The following PCDHGA6 variants were observed in gnomAD, a reference collection of about 807,000 sequenced individuals.
The protein encoded by PCDHGA6 is protocadherin gamma-A6.
Under a neutral mutation model 60.6 loss-of-function variants are expected in PCDHGA6, and 41 were observed. That is an observed-to-expected ratio of 0.68 (90% confidence interval 0.53 to 0.88). PCDHGA6 has a LOEUF of 0.88. Ranked by LOEUF, PCDHGA6 falls within the 40% of genes least tolerant of loss-of-function variation. The pLI, the probability that PCDHGA6 is intolerant of heterozygous loss-of-function variation, is 0.00. For synonymous variants in PCDHGA6, 594 were observed against 524.4 expected, an observed-to-expected ratio of 1.13 and a Z score of -1.81; for missense variants, 1,312 against 1,203.0, an observed-to-expected ratio of 1.09 and a Z score of -1.34.
intron 1 of PCDHGA6, among the ~76,000 whole-genome samples, chr5:141,454,032 C>T (rs2098780173): frequency 6.6e-6 from 1 of 152,126 alleles, no homozygotes; most frequent in Non-Finnish European, 1.5e-5. Flanking sequence ...AAGAATTGGC[C>T]AGCAAAGATA....
rs568314069 is a variant in PCDHGA6 at position 141,486,371 on chromosome 5, G to C, written c.2425-8436G>C. 53 of 1,614,138 alleles carry C rather than the reference G, an allele frequency of 3.3e-5. 2 individuals are homozygous for C. The South Asian group carries it at 5.3e-4, about 16-fold the overall frequency. Reference sequence around the variant, plus strand: ...CCACTTGCCATTTGCCCTCAAGTCTGCCTTCAGGAACCAGTTCTCCCTGGT... The same window carrying C: ...CCACTTGCCATTTGCCCTCAAGTCTCCCTTCAGGAACCAGTTCTCCCTGGT... On this transcript the variant is annotated intron_variant, in intron 1 of 3. Transcript: ENST00000517434. The surrounding 1 kb of genome is among the most constrained non-coding windows in gnomAD (Gnocchi z 5.0).
chr5:141,427,377 A>C, intron 1 of PCDHGA6: 1 of 458,500 alleles, frequency 2.2e-6, no homozygotes, highest in Non-Finnish European at 4.4e-6. Flanking sequence ...GACGGTGATC[A>C]CTCTGTTCAA....
chr5:141,395,038 G>A lies in PCDHGA6; in HGVS notation c.2424+18531G>A, dbSNP rs762482437. On this transcript the variant is annotated intron_variant, in intron 1 of 3. Transcript: ENST00000517434. Reference sequence around the variant, plus strand: ...GGCGTGCCTGCCTCACATTTTGTGGGTGTTGAGGAGGTACAGGCTTTCCTG... The same window carrying A: ...GGCGTGCCTGCCTCACATTTTGTGGATGTTGAGGAGGTACAGGCTTTCCTG... 5.3e-5 allele frequency: 85 copies of A among 1,614,150 alleles called. 1 individual carries two copies. Among genetic ancestry groups the A allele is most frequent in the Non-Finnish European group, 7.1e-5 (84 of 1,180,034 alleles).
intron 1 of PCDHGA6, among the ~76,000 whole-genome samples, chr5:141,381,060 A>G (rs1776965046): frequency 6.6e-6 from 1 of 152,246 alleles, no homozygotes; most frequent in South Asian, 2.1e-4. Flanking sequence ...GTGAATGCAA[A>G]GATAACTATG....
At position 141,464,036 on chromosome 5, in the gene PCDHGA6, G is replaced by A. The variant is rs907276618; in HGVS notation, c.2425-30771G>A. On this transcript the variant is annotated intron_variant, in intron 1 of 3. Coordinates refer to ENST00000517434, the MANE Select transcript of PCDHGA6 (RefSeq NM_018919.3). ...ATCCCACACTTTGGGAGGCCAAGGC[G>A]GGTGGATCACCTGAGGTCAGGAGTT... Among the ~76,000 whole-genome samples the A allele has an allele frequency of 2.6e-5, 4 of 152,096 alleles. No individual in the cohort carries two copies. The East Asian group carries it at 5.8e-4, about 22-fold the overall frequency.
chr5:141,399,753 G>A (rs1418820057), intron 1 of PCDHGA6: 6 of 1,613,252 alleles, frequency 3.7e-6, no homozygotes, highest in Middle Eastern at 1.7e-4. Flanking sequence ...GCGCAAACGT[G>A]AGCCTGCGCG....
intron 1 of PCDHGA6, among the ~76,000 whole-genome samples, chr5:141,492,762 T>C (rs917580804): frequency 2.6e-5 from 4 of 152,206 alleles, no homozygotes; most frequent in African/African-American, 9.6e-5. Flanking sequence ...GGGCTCCGCG[T>C]TGGGCGAGTG....
rs762662380 is a variant in PCDHGA6, at chr5:141,419,561, G to A, written c.2424+43054G>A. 9 of 1,611,728 alleles carry A rather than the reference G, an allele frequency of 5.6e-6. No individual in the cohort carries two copies. The Admixed American group carries it at 1.2e-4, about 21-fold the overall frequency. The stretch of plus-strand genomic sequence containing the variant: ...ACCGCGGGTGCTGTACCCTGCGCTG[G>A]GTCCCGACGGCTCCGCGCTCTTCGA... On this transcript the variant is annotated intron_variant, in intron 1 of 3. Coordinates refer to ENST00000517434, the MANE Select transcript of PCDHGA6 (RefSeq NM_018919.3).
rs1270447529 is a variant in PCDHGA6 at position 141,490,526 on chromosome 5, C to A, written c.2425-4281C>A. 3 of 1,614,116 alleles carry A rather than the reference C, an allele frequency of 1.9e-6. No homozygotes were observed. Among genetic ancestry groups the A allele is most frequent in the Non-Finnish European group, 2.5e-6 (3 of 1,180,008 alleles). On this transcript the variant is annotated intron_variant, in intron 1 of 3. Transcript: ENST00000517434. This position sits in a 1 kb window ranked among gnomAD's most constrained non-coding sequence, Gnocchi z 5.4. ...ATCATCGAGCTGCTGGCCAGCGATG[C>A]TGGTTCACCTTCCCTACACAAACAT...
Position 141,374,705 on chromosome 5 carries a change from T to A in PCDHGA6, c.622T>A (p.Tyr208Asn), listed in dbSNP as rs188037010. Residue 208 changes from tyrosine (Y) to asparagine (N), a missense_variant, in exon 1 of 4, where the codon TAC becomes AAC. By Grantham distance (143) the Tyr-to-Asn change is moderately radical. Coordinates refer to ENST00000517434, the MANE Select transcript of PCDHGA6 (RefSeq NM_018919.3). Reference protein sequence around the residue: ...GTLDREGEAVYRLVLTAMDGG... With the variant: ...GTLDREGEAVNRLVLTAMDGG... ...ACTGGACCGGGAAGGAGAAGCCGTTTACCGCCTGGTCCTTACTGCCATGGA... is the reference window on the plus strand; with the variant it reads ...ACTGGACCGGGAAGGAGAAGCCGTTAACCGCCTGGTCCTTACTGCCATGGA... 8 of 1,609,374 alleles carry A rather than the reference T, an allele frequency of 5.0e-6. No homozygotes were observed. In the African/African-American group the frequency reaches 8.0e-5, roughly 16 times the overall value.
At position 141,485,009 on chromosome 5, in the gene PCDHGA6, C is replaced by T. The variant is rs531346426; in HGVS notation, c.2425-9798C>T. The T allele has an allele frequency of 6.4e-5, 40 of 628,334 alleles. No homozygotes were observed. Among genetic ancestry groups the T allele is most frequent in the Admixed American group, 5.3e-4 (18 of 33,986 alleles). The allele number at this position is 628,334 out of a possible 1,614,324, so 38.9% of individuals were successfully genotyped here. On this transcript the variant is annotated intron_variant, in intron 1 of 3. Transcript: ENST00000517434. The surrounding 1 kb of genome is among the most constrained non-coding windows in gnomAD (Gnocchi z 5.7). Reference sequence around the variant, plus strand: ...GGTGGTGAAAGGCAGACAAATCTACCCCGCCACCAGCAAAAACGGCGCGTA... The same window carrying T: ...GGTGGTGAAAGGCAGACAAATCTACTCCGCCACCAGCAAAAACGGCGCGTA...
intron 1 of PCDHGA6, among the ~76,000 whole-genome samples, chr5:141,386,359 C>A (rs566341507): frequency 6.6e-6 from 1 of 152,014 alleles, no homozygotes; most frequent in African/African-American, 2.4e-5. Flanking sequence ...AATCTTGATT[C>A]CAGAGACCTT....
At chr5:141,494,514 G>T (rs1457018569) in intron 1 of PCDHGA6, among the ~76,000 whole-genome samples, 2 of 152,160 alleles carry the variant, frequency 1.3e-5, no homozygotes, top group South Asian at 2.1e-4. Context: ...TTTTGGCTCA[G>T]GAGTTCTGAC....
Position 141,432,201 on chromosome 5 carries a change from G to T in PCDHGA6, c.2424+55694G>T, listed in dbSNP as rs761075658. On this transcript the variant is annotated intron_variant, in intron 1 of 3. Transcript: ENST00000517434. This position sits in a 1 kb window ranked among gnomAD's most constrained non-coding sequence, Gnocchi z 6.0. ...TCTGTGACCGCCCACGACCCCGACT[G>T]TGAAGAGAACGCCCAGATCACTTAT... 1.8e-5 allele frequency: 29 copies of T among 1,614,092 alleles called. No homozygotes were observed. The South Asian group carries it at 2.9e-4, about 16-fold the overall frequency.
At chr5:141,471,802 A>G (rs2154571076) in intron 1 of PCDHGA6, among the ~76,000 whole-genome samples, 1 of 152,362 alleles carries the variant, frequency 6.6e-6, no homozygotes, top group African/African-American at 2.4e-5. Context: ...TATAAAAGAC[A>G]TATAAAAGAC....
At chr5:141,423,471 G>A in intron 1 of PCDHGA6, 1 of 1,614,052 alleles carries the variant, frequency 6.2e-7, no homozygotes, top group South Asian at 1.1e-5. Context: ...ACGGGGTACA[G>A]GCTTTCCTGC....
Position 141,431,248 on chromosome 5 carries a change from G to A in PCDHGA6, c.2424+54741G>A. ...CCCACGCCTGGGATCCGGATATCGGGAAGAACTCTCTGCAGAGCTACGAGC... is the reference window on the plus strand; with the variant it reads ...CCCACGCCTGGGATCCGGATATCGGAAAGAACTCTCTGCAGAGCTACGAGC... On this transcript the variant is annotated intron_variant, in intron 1 of 3. Transcript: ENST00000517434. This position sits in a 1 kb window ranked among gnomAD's most constrained non-coding sequence, Gnocchi z 4.8. 2 of 1,614,140 alleles carry A rather than the reference G, an allele frequency of 1.2e-6. No homozygotes were observed. Among genetic ancestry groups the A allele is most frequent in the Non-Finnish European group, 1.7e-6 (2 of 1,180,048 alleles).
chr5:141,385,150 C>A (rs1780929292), intron 1 of PCDHGA6: 1 of 1,614,104 alleles, frequency 6.2e-7, no homozygotes, highest in South Asian at 1.1e-5. Flanking sequence ...GGCTTTCCTG[C>A]AGACCTATTC....
chr5:141,435,254 G>C (rs1220755047), intron 1 of PCDHGA6, among the ~76,000 whole-genome samples: 1 of 152,018 alleles, frequency 6.6e-6, no homozygotes, highest in African/African-American at 2.4e-5. Flanking sequence ...GGCCATTAGG[G>C]ATATGTCCAT....
Sources: gnomAD v4.1 joint callset for allele counts (sites outside exome capture counted in the v4.1 genomes callset) on GRCh38, gnomAD v4.1.1 for gene constraint, Gnocchi (gnomAD v3.1) non-coding constraint, MANE v1.5 for transcripts, NCBI Gene and HGNC (gene_info 2026-07-23, HGNC 2026-07-21) for gene names.